SNX5: variants seen among roughly 807,000 people sequenced by gnomAD.
SNX5 encodes sorting nexin-5.
In SNX5, 31 loss-of-function variants were observed where a neutral mutation model predicts 53.9. The observed-to-expected ratio is 0.58, with a 90% CI of 0.43 to 0.78. SNX5 has a LOEUF of 0.78. SNX5 is among the 30% of genes least tolerant of loss of function. SNX5 has a pLI of 0.00. For synonymous variants in SNX5, 168 were observed against 171.1 expected (o/e 0.98, Z 0.14); for missense variants, 471 against 478.8 (o/e 0.98, Z 0.15).
At chr20:17,958,415 A>T (rs1004541036) in intron 1 of SNX5, among the ~76,000 whole-genome samples, 1 of 152,242 alleles carries the variant, frequency 6.6e-6, no homozygotes, top group Non-Finnish European at 1.5e-5. Flanking sequence ...CTAAAAGCAC[A>T]TGGATTACTT....
chr20:17,949,168 T>G (rs747818126), intron 8 of SNX5, 65 bp from the exon 9 acceptor site: 40 of 1,387,438 alleles, frequency 2.9e-5, no homozygotes, highest in Non-Finnish European at 3.8e-5. Context: ...ATCTTACCAG[T>G]GTGCAAGACA....
intron 6 of SNX5, 50 bp downstream of exon 6, chr20:17,951,450 C>G: frequency 9.5e-7 from 1 of 1,048,106 alleles, no homozygotes; most frequent in Non-Finnish European, 1.5e-6. Context: ...AAAAGGTCAC[C>G]TATTCCCGAT....
At chr20:17,957,753 A>T (rs1418524157) in intron 1 of SNX5, among the ~76,000 whole-genome samples, 1 of 152,220 alleles carries the variant, frequency 6.6e-6, no homozygotes, top group Non-Finnish European at 1.5e-5. Flanking sequence ...GATGGCACAG[A>T]GAACAGTCAT....
chr20:17,951,435 G>C, intron 6 of SNX5, 65 bp downstream of exon 6: 1 of 915,526 alleles, frequency 1.1e-6, no homozygotes, highest in East Asian at 2.4e-5. Flanking sequence ...CTCTTTCAAA[G>C]AAACAAAAGG....
intron 1 of SNX5, chr20:17,968,054 A>G: frequency 7.5e-6 from 3 of 398,640 alleles, no homozygotes; most frequent in Non-Finnish European, 1.3e-5. Context: ...GTCACCACGA[A>G]GCCGAGGAAA....
chr20:17,956,345 C>A lies in SNX5; in HGVS notation c.156+588G>T, dbSNP rs147913208. Among the ~76,000 whole-genome samples the A allele has an allele frequency of 3.1e-3, 474 of 152,324 alleles. 11 individuals are homozygous for A. The highest frequency in any genetic ancestry group is 0.028 in the Admixed American group (427 of 15,308). On this transcript the variant is annotated intron_variant, in intron 2 of 12. Coordinates refer to ENST00000377759, the MANE Select transcript of SNX5 (RefSeq NM_014426.4). The stretch of plus-strand genomic sequence containing the variant: ...AAGCCGCCCAGGCGTTAAGAAAAAA[C>A]CACATGGGAAAGGTCTTTCCCAATT...
intron 4 of SNX5, among the ~76,000 whole-genome samples, chr20:17,953,290 T>C (rs1468933555): frequency 6.6e-6 from 1 of 152,092 alleles, no homozygotes; most frequent in Non-Finnish European, 1.5e-5. Context: ...AGCTGATGGT[T>C]GAAGAGGGGA....
rs1239393332 is a variant in SNX5 at position 17,968,496 on chromosome 20, C to CGCG, written c.-72_-71insCGC. 6.3e-6 allele frequency: 8 copies of CGCG among 1,263,790 alleles called. No individual in the cohort carries two copies. Among genetic ancestry groups the CGCG allele is most frequent in the Admixed American group, 8.4e-5 (2 of 23,762 alleles). The allele number at this position is 1,263,790 out of a possible 1,614,324, so 78.3% of individuals were successfully genotyped here. A position where few individuals can be genotyped will look rare whatever the true frequency, so the allele number is the denominator to read the frequency against. ...GAAGAAGCTGGGCCGCCGCCGCCGC[C>CGCG]GCCTGGGCGCCTCTCGGGGGCGGCC... On this transcript the variant is annotated 5_prime_UTR_variant, in exon 1 of 13. Coordinates refer to ENST00000377759, the MANE Select transcript of SNX5 (RefSeq NM_014426.4).
Position 17,956,975 on chromosome 20 carries a change from C to G in SNX5, c.114G>C (p.Ala38=). Residue 38 remains alanine, a synonymous_variant, in exon 2 of 13, where the codon GCG becomes GCC. Transcript: ENST00000377759. The part of the protein sequence containing the change: ...DPSLQIDIPD[A]LSERDKVKFT... Reference sequence around the variant, plus strand: ...ATTTGACTTTGTCTCTCTCACTGAGCGCATCAGGTATGTCAATCTGAAGCG... The same window carrying G: ...ATTTGACTTTGTCTCTCTCACTGAGGGCATCAGGTATGTCAATCTGAAGCG... 1 of 1,607,952 alleles carries G rather than the reference C, an allele frequency of 6.2e-7. No individual in the cohort carries two copies.
At chr20:17,962,025 G>C (rs763072799) in intron 1 of SNX5, 270 of 966,046 alleles carry the variant, frequency 2.8e-4, no homozygotes, top group Non-Finnish European at 3.2e-4. Flanking sequence ...CTTTGTTACT[G>C]TTTGAACTCT....
chr20:17,958,077 A>G lies in SNX5; in HGVS notation c.52-1040T>C, dbSNP rs1266356368. ...GGAACTGGGCTATTAGGGAAAAGTG[A>G]CTTAAATAAAAGTACATTAAAGCAG... On this transcript the variant is annotated intron_variant, in intron 1 of 12. Transcript: ENST00000377759. Among the ~76,000 whole-genome samples the G allele has an allele frequency of 5.3e-5, 8 of 151,900 alleles. 1 individual carries two copies. The highest frequency in any genetic ancestry group is 5.2e-4 in the Admixed American group (8 of 15,246).
rs373912588 is a variant in SNX5 at position 17,957,016 on chromosome 20, G to C, written c.73C>G (p.Leu25Val). ...ATCTGAAGCGAGGGATCAACATTCA[G>C]GTCCACAGATACAGATCTCAGCTGA... ...RSKLRSVSVD[L>V]NVDPSLQIDI... Residue 25 changes from leucine to valine, a missense_variant, in exon 2 of 13, where the codon CTG becomes GTG. By Grantham distance (32) the Leu-to-Val change is conservative. Coordinates refer to ENST00000377759, the MANE Select transcript of SNX5 (RefSeq NM_014426.4). 5.6e-5 allele frequency: 89 copies of C among 1,600,286 alleles called. No individual in the cohort carries two copies. The South Asian group carries it at 6.4e-4, about 11-fold the overall frequency.
intron 1 of SNX5, chr20:17,967,741 TAGACCTCA>T (rs1296910659): frequency 3.8e-5 from 9 of 235,504 alleles, no homozygotes; most frequent in Non-Finnish European, 7.3e-5. Flanking sequence ...AATAATCTTT[TAGACCTCA>T]AGATACACGT....
intron 5 of SNX5, among the ~76,000 whole-genome samples, chr20:17,951,994 C>A (rs571963948): frequency 7.2e-5 from 11 of 152,170 alleles, no homozygotes; most frequent in Non-Finnish European, 1.3e-4. Flanking sequence ...GAGGCCAAGG[C>A]GGGCGGATCA....
intron 1 of SNX5, among the ~76,000 whole-genome samples, chr20:17,966,811 CATT>C (rs774448012): frequency 7.9e-5 from 12 of 152,168 alleles, no homozygotes; most frequent in Non-Finnish European, 1.8e-4. Flanking sequence ...CTTAGTTTCC[CATT>C]ATTTCATACT....
At chr20:17,951,360 G>A in intron 6 of SNX5, 140 bp downstream of exon 6, 1 of 622,580 alleles carries the variant, frequency 1.6e-6, no homozygotes, top group Non-Finnish European at 2.9e-6. Flanking sequence ...ATAAGTAGAT[G>A]AAAATTACCA....
intron 1 of SNX5, among the ~76,000 whole-genome samples, chr20:17,958,836 T>G (rs534237547): frequency 1.2e-4 from 19 of 152,288 alleles, no homozygotes; most frequent in African/African-American, 4.1e-4. Flanking sequence ...ATACCTCAAA[T>G]CATTAACTGA....
chr20:17,968,402 C>A lies in SNX5; in HGVS notation c.24G>T (p.Leu8=). 1 of 1,287,834 alleles carries A rather than the reference C, an allele frequency of 7.8e-7. No homozygotes were observed. Among genetic ancestry groups the A allele is most frequent in the Non-Finnish European group, 9.9e-7 (1 of 1,014,214 alleles). The allele number at this position is 1,287,834 out of a possible 1,614,324, so 79.8% of individuals were successfully genotyped here. ...TGCTGCGGTCCTCCTCCTGCTGCTG[C>A]AGCAACTCGGGAACCGCGGCCATGG... MAAVPEL[L]QQQEEDRSKL... Residue 8 remains leucine, a synonymous_variant, in exon 1 of 13, where the codon CTG becomes CTT. Transcript: ENST00000377759.
intron 3 of SNX5, among the ~76,000 whole-genome samples, chr20:17,954,963 T>A (rs1356722049): frequency 2.0e-5 from 3 of 152,176 alleles, no homozygotes; most frequent in African/African-American, 7.2e-5. Flanking sequence ...CCACCCACCT[T>A]GGCCTCCCAA....
Sources: gnomAD v4.1 joint callset for allele counts (sites outside exome capture counted in the v4.1 genomes callset) on GRCh38, gnomAD v4.1.1 for gene constraint, MANE v1.5 for transcripts, NCBI Gene and HGNC (gene_info 2026-07-23, HGNC 2026-07-21) for gene names.